Variants in FAM227A observed in about 807,000 individuals in gnomAD.
FAM227A encodes family with sequence similarity 227 member A.
A neutral mutation model predicts 74.7 loss-of-function variants in FAM227A; 80 were observed. That is an observed-to-expected ratio of 1.07 (90% CI 0.89 to 1.29). The LOEUF (loss-of-function observed/expected upper bound fraction) is 1.29, where lower values mean the gene tolerates loss of function less well. FAM227A is among the 50% of genes most tolerant of loss of function. FAM227A has a pLI of 0.00. For synonymous variants in FAM227A, 237 were observed against 241.8 expected, an observed-to-expected ratio of 0.98 and a Z score of 0.19; for missense variants, 654 against 683.4, an observed-to-expected ratio of 0.96 and a Z score of 0.48.
intron 2 of FAM227A, among the ~76,000 whole-genome samples, chr22:38,649,549 G>C (rs943072504): frequency 2.0e-5 from 3 of 150,852 alleles, no homozygotes; most frequent in Non-Finnish European, 2.9e-5. Flanking sequence ...CTGGGCAACA[G>C]AGTGAGACTC....
At chr22:38,639,595 T>C in intron 4 of FAM227A, 60 bp downstream of exon 4, 1 of 1,471,504 alleles carries the variant, frequency 6.8e-7, no homozygotes, top group African/African-American at 1.4e-5. Context: ...AGTTGCATTT[T>C]AGATACTAAA....
chr22:38,582,381 G>C lies in FAM227A; in HGVS notation c.*3744C>G. On this transcript the variant is annotated 3_prime_UTR_variant, in exon 17 of 17. Coordinates refer to ENST00000535113, the MANE Select transcript of FAM227A (RefSeq NM_001013647.2). ...CTGAATTTATCTTCTTCCATGCTGA[G>C]AGTATGGGTTTTCAGCAACACTGGG... 1 of 1,550,256 alleles carries C rather than the reference G, an allele frequency of 6.5e-7. No individual in the cohort carries two copies. The highest frequency in any genetic ancestry group is 8.7e-7 in the Non-Finnish European group (1 of 1,146,610).
intron 7 of FAM227A, 69 bp downstream of exon 7, chr22:38,628,765 A>G (rs1018458017): frequency 3.1e-6 from 3 of 962,224 alleles, no homozygotes; most frequent in African/African-American, 3.3e-5. Context: ...CTCATGTCAA[A>G]GAGAATGGAA....
intron 2 of FAM227A, among the ~76,000 whole-genome samples, chr22:38,648,710 C>T (rs372949494): frequency 4.9e-5 from 7 of 143,556 alleles, no homozygotes; most frequent in East Asian, 2.0e-4. Flanking sequence ...CGGTGGCTCA[C>T]GCCTGTAATC....
At chr22:38,642,437 G>A (rs1043056047) in intron 3 of FAM227A, among the ~76,000 whole-genome samples, 2 of 152,164 alleles carry the variant, frequency 1.3e-5, no homozygotes, top group African/African-American at 4.8e-5. Context: ...AAGACAAGAG[G>A]AGAACACCTA....
At position 38,623,190 on chromosome 22, in the gene FAM227A, T is replaced by G. The variant is rs1039394443; in HGVS notation, c.940A>C (p.Arg314=). The G allele has an allele frequency of 3.9e-6, 6 of 1,551,316 alleles. No homozygotes were observed. The highest frequency in any genetic ancestry group is 5.2e-6 in the Non-Finnish European group (6 of 1,146,598). Residue 314 remains arginine, a synonymous_variant, in exon 10 of 17, where the codon AGA becomes CGA. Coordinates refer to ENST00000535113, the MANE Select transcript of FAM227A (RefSeq NM_001013647.2). ...RFRREELMLY[R]RRLTKGREFS... ...ATCTTACCCTTTGTCAGTCTTCTTC[T>G]GTACAACATTAATTCTTCTCTGCGG...
intron 14 of FAM227A, 68 bp downstream of exon 14, chr22:38,599,696 C>G: frequency 1.4e-6 from 2 of 1,444,070 alleles, no homozygotes; most frequent in South Asian, 2.9e-5. Context: ...ATTCCCTGAC[C>G]TTTGCTTCTG....
chr22:38,604,973 A>G (rs2091253834), intron 13 of FAM227A, among the ~76,000 whole-genome samples: 1 of 151,810 alleles, frequency 6.6e-6, no homozygotes, highest in Non-Finnish European at 1.5e-5. Context: ...TATTATTGTT[A>G]TTCATTTTTT....
chr22:38,590,679 T>C (rs1210869893), intron 16 of FAM227A, among the ~76,000 whole-genome samples: 4 of 152,214 alleles, frequency 2.6e-5, no homozygotes, highest in Non-Finnish European at 5.9e-5. Context: ...ATGAAGTACA[T>C]AGGCCAACAC....
intron 15 of FAM227A, among the ~76,000 whole-genome samples, chr22:38,594,075 A>G (rs2090994660): frequency 6.6e-6 from 1 of 152,054 alleles, no homozygotes; most frequent in African/African-American, 2.4e-5. Flanking sequence ...TCTGCTTCCT[A>G]GGAATCCCAT....
intron 13 of FAM227A, among the ~76,000 whole-genome samples, chr22:38,602,959 C>T (rs555431055): frequency 5.3e-5 from 8 of 152,212 alleles, no homozygotes; most frequent in Admixed American, 2.0e-4. Context: ...CTGCAACCTC[C>T]GCCTCCTGGG....
At chr22:38,596,217 A>C (rs2091041816) in intron 15 of FAM227A, among the ~76,000 whole-genome samples, 1 of 152,150 alleles carries the variant, frequency 6.6e-6, no homozygotes, top group African/African-American at 2.4e-5. Context: ...GCTACTCGGG[A>C]GGCTGAGGCG....
At chr22:38,646,484 G>A (rs922520370) in intron 2 of FAM227A, among the ~76,000 whole-genome samples, 1 of 150,098 alleles carries the variant, frequency 6.7e-6, no homozygotes, top group Non-Finnish European at 1.5e-5. Flanking sequence ...GGATGGTCTC[G>A]ATCTCCTGAC....
rs1281807078 is a variant in FAM227A, at chr22:38,591,677, G to C, written c.1533-137C>G. 41 of 601,556 alleles carry C rather than the reference G, an allele frequency of 6.8e-5. No individual in the cohort carries two copies. In the Middle Eastern group the frequency reaches 9.9e-4, roughly 15 times the overall value. 37.3% of individuals were successfully genotyped at this position (601,556 alleles called of 1,614,324 possible). A position where few individuals can be genotyped will look rare whatever the true frequency, so the allele number is the denominator to read the frequency against. On this transcript the variant is annotated intron_variant, in intron 15 of 16. Transcript: ENST00000535113. ...CATTGAAGTATAACATAGAAACTAG[G>C]AGTGCACAGATTCTAAGTGTGCAGC...
At chr22:38,654,980 C>CA (rs916097981) in intron 1 of FAM227A, among the ~76,000 whole-genome samples, 56 of 112,936 alleles carry the variant, frequency 5.0e-4, no homozygotes, top group African/African-American at 6.4e-4. Flanking sequence ...AAATAAATAC[C>CA]AAAAAAAAAA....
chr22:38,651,816 AAGAGTGGAAG>A (rs2092327368), intron 1 of FAM227A, among the ~76,000 whole-genome samples: 2 of 152,218 alleles, frequency 1.3e-5, no homozygotes, highest in Non-Finnish European at 2.9e-5. Context: ...GGCAGGGCAG[AAGAGTGGAAG>A]AGTAAGAAAC....
In FAM227A at chr22:38,620,238, G is replaced by A; in HGVS notation, c.1012C>T (p.Gln338Ter). Residue 338 changes from glutamine (Q) to a stop codon, truncating the protein, a stop_gained, in exon 11 of 17, where the codon CAG (glutamine) becomes TAG (stop). Coordinates refer to ENST00000535113, the MANE Select transcript of FAM227A (RefSeq NM_001013647.2). LOFTEE classifies it high-confidence loss of function. ...TGAGGGTGGTAGAATTTCCTGCTCT[G>A]GGCTGGCTTCTGGGAGAAGGCTCTC... ...GKRAFSQKPA[Q>*]SRKFYHPQSS... The A allele has an allele frequency of 6.4e-7, 1 of 1,551,330 alleles. No homozygotes were observed. Among genetic ancestry groups the A allele is most frequent in the Non-Finnish European group, 8.7e-7 (1 of 1,146,768 alleles).
chr22:38,601,593 A>C (rs374216477), intron 13 of FAM227A, among the ~76,000 whole-genome samples: 1 of 152,096 alleles, frequency 6.6e-6, no homozygotes, highest in East Asian at 1.9e-4. Flanking sequence ...TGATGGGAGG[A>C]GAAATGACTG....
chr22:38,582,985 G>T lies in FAM227A; in HGVS notation c.*3140C>A. ...GAGGAGGGAGGAGAAGGCATTTTCA[G>T]GTCCAGAAGCAGCAACAGACAAAAG... On this transcript the variant is annotated 3_prime_UTR_variant, in exon 17 of 17. Transcript: ENST00000535113. 6.5e-7 allele frequency: 1 copy of T among 1,545,962 alleles called. No individual in the cohort carries two copies. The highest frequency in any genetic ancestry group is 8.7e-7 in the Non-Finnish European group (1 of 1,143,478).
Sources: gnomAD v4.1 joint callset for allele counts (sites outside exome capture counted in the v4.1 genomes callset) on GRCh38, gnomAD v4.1.1 for gene constraint, MANE v1.5 for transcripts, NCBI Gene and HGNC (gene_info 2026-07-23, HGNC 2026-07-21) for gene names.